Variants in SNORC observed in about 807,000 individuals in gnomAD.
The protein encoded by SNORC is secondary ossification center associated regulator of chondrocyte maturation, also known as protein SNORC.
Under a neutral mutation model 9.7 loss-of-function variants are expected in SNORC, and 11 were observed. The ratio of observed to expected loss-of-function variants is 1.14; its 90% CI spans 0.72 to 1.88. The LOEUF (loss-of-function observed/expected upper bound fraction) is 1.88, where lower values mean the gene tolerates loss of function less well. Among genes scored for constraint, SNORC ranks in the 40% most tolerant of loss-of-function variants. The pLI is 0.00. For synonymous variants in SNORC, 108 were observed against 88.7 expected (o/e 1.22, Z -1.22); for missense variants, 197 against 173.1 (o/e 1.14, Z -0.77).
Position 232,876,263 on chromosome 2 carries a change from C to A in SNORC, c.273C>A (p.Gly91=). 1 of 1,516,608 alleles carries A rather than the reference C, an allele frequency of 6.6e-7. No homozygotes were observed. The allele number at this position is 1,516,608 out of a possible 1,614,324, so 93.9% of individuals were successfully genotyped here. ...CCTCCGCAGGGTCGCTGGGGCCCGG[C>A]GCTATCGCGGCCATCGTGATCGCCG... is the stretch of plus-strand genomic sequence containing the variant. The change falls in exon 3 of 3, where the codon GGC becomes GGA. Residue 91 remains glycine, a synonymous_variant. Coordinates refer to ENST00000331342, the Ensembl canonical transcript of SNORC. The surrounding 1 kb of genome is among the most constrained non-coding windows in gnomAD (Gnocchi z 6.8).
upstream of SNORC, chr2:232,870,214 C>T (rs1690969617): frequency 1.2e-6 from 1 of 835,450 alleles, no homozygotes. Flanking sequence ...CACGATGTCC[C>T]AGGAGGACAG....
At chr2:232,870,885 A>G (rs1459801327) in intron 1 of SNORC, among the ~76,000 whole-genome samples, 4 of 152,150 alleles carry the variant, frequency 2.6e-5, no homozygotes, top group African/African-American at 9.7e-5. Context: ...CATCTGGGAA[A>G]AGGCTCCAGA....
chr2:232,874,103 G>T (rs79628098), intron 1 of SNORC, among the ~76,000 whole-genome samples: 2 of 152,220 alleles, frequency 1.3e-5, no homozygotes, highest in Non-Finnish European at 2.9e-5. Flanking sequence ...CAGAAGCCAG[G>T]GACCTGCTAA....
chr2:232,869,088 G>A (rs1039962414), upstream of SNORC: 1 of 152,212 alleles, frequency 6.6e-6, no homozygotes, highest in African/African-American at 2.4e-5. Context: ...TGGAGGCAAG[G>A]AGAAGTTGTT....
At chr2:232,873,607 T>C (rs11685172) in intron 1 of SNORC, among the ~76,000 whole-genome samples, 2,639 of 152,290 alleles carry the variant, frequency 0.017, 37 homozygotes, top group Non-Finnish European at 0.029. Context: ...CCAGTCTGTC[T>C]TGGGTGTGTC....
At chr2:232,874,640 C>T (rs140868500) in intron 1 of SNORC, among the ~76,000 whole-genome samples, 2 of 152,250 alleles carry the variant, frequency 1.3e-5, no homozygotes, top group Admixed American at 6.5e-5. Context: ...TGTGTCTTCT[C>T]GAGCATCCGC....
Position 232,876,090 on chromosome 2 carries a change from G to A in SNORC, c.224G>A (p.Ser75Asn). 1 of 1,397,148 alleles carries A rather than the reference G, an allele frequency of 7.2e-7. No homozygotes were observed. Among genetic ancestry groups the A allele is most frequent in the Non-Finnish European group, 9.4e-7 (1 of 1,061,414 alleles). The allele number at this position is 1,397,148 out of a possible 1,614,324, so 86.5% of individuals were successfully genotyped here. A position where few individuals can be genotyped will look rare whatever the true frequency, so the allele number is the denominator to read the frequency against. The change falls in exon 2 of 3, where the codon AGC (serine) becomes AAC (asparagine). Residue 75 changes from serine (S) to asparagine (N), a missense_variant. Coordinates refer to ENST00000331342, the Ensembl canonical transcript of SNORC. This position sits in a 1 kb window ranked among gnomAD's most constrained non-coding sequence, Gnocchi z 6.8. ...ACCGTCGCGCCAGGACCCGAGGACA[G>A]CACCGCGCAGGAGCGGCTGGACCAG...
chr2:232,875,758 C>T, intron 1 of SNORC, 182 bp from the exon 2 acceptor site: 1 of 658,336 alleles, frequency 1.5e-6, no homozygotes, highest in Non-Finnish European at 2.5e-6. Context: ...CGGCCCTGCC[C>T]AATGGGAGGC....
intron 1 of SNORC, among the ~76,000 whole-genome samples, chr2:232,871,296 G>A (rs1691016513): frequency 6.6e-6 from 1 of 152,180 alleles, no homozygotes; most frequent in African/African-American, 2.4e-5. Flanking sequence ...CCACACCCTG[G>A]GAGGTCTGGG....
upstream of SNORC, chr2:232,870,194 G>A: frequency 1.4e-6 from 1 of 690,068 alleles, no homozygotes; most frequent in South Asian, 1.7e-5. Context: ...GGGGGGTGGG[G>A]AGGTGCGGGC....
upstream of SNORC, among the ~76,000 whole-genome samples, chr2:232,867,315 A>G (rs555114351): frequency 6.6e-6 from 1 of 152,338 alleles, no homozygotes; most frequent in South Asian, 2.1e-4. Flanking sequence ...CAGAATTGCT[A>G]ACCCATACCA....
upstream of SNORC, chr2:232,869,242 GGA>G (rs1177349262): frequency 6.6e-6 from 1 of 152,276 alleles, no homozygotes; most frequent in African/African-American, 2.4e-5. Flanking sequence ...CCTTCTGGGA[GGA>G]GAGGGGAACA....
intron 1 of SNORC, 111 bp downstream of exon 1, chr2:232,870,525 TGGG>T: frequency 9.5e-7 from 1 of 1,052,158 alleles, no homozygotes; most frequent in Non-Finnish European, 1.4e-6. Flanking sequence ...TCACAGGAGA[TGGG>T]ATGACTATTT....
At chr2:232,875,748 C>T (rs1000254568) in intron 1 of SNORC, 192 bp from the exon 2 acceptor site, 2 of 616,280 alleles carry the variant, frequency 3.2e-6, no homozygotes, top group East Asian at 3.1e-5. Flanking sequence ...GCCCACCCAC[C>T]GGCCCTGCCC....
exon 1 of SNORC, chr2:232,870,337 C>T: frequency 6.4e-7 from 1 of 1,556,708 alleles, no homozygotes; most frequent in Non-Finnish European, 8.7e-7. Context: ...TCACTCCCGG[C>T]CAGGATGGCA....
chr2:232,875,110 C>G (rs899633692), intron 1 of SNORC, among the ~76,000 whole-genome samples: 1 of 152,136 alleles, frequency 6.6e-6, no homozygotes, highest in African/African-American at 2.4e-5. Context: ...GAGGCCGACA[C>G]GGGTGTATCA....
intron 1 of SNORC, among the ~76,000 whole-genome samples, chr2:232,873,232 G>A (rs1691097380): frequency 6.6e-6 from 1 of 152,232 alleles, no homozygotes; most frequent in African/African-American, 2.4e-5. Flanking sequence ...GGGGCATGGA[G>A]CAAGGATAGG....
In SNORC at chr2:232,870,431, C is replaced by T; in HGVS notation, c.73+17C>T. On this transcript the variant is annotated intron_variant, in intron 1 of 2. Coordinates refer to ENST00000331342, the Ensembl canonical transcript of SNORC. ...TGCTCACAGGTAAGAGGTGAAGGCC[C>T]TTGTCTCAGCCACCACTAGCCTCCC... is the stretch of plus-strand genomic sequence containing the variant. The T allele has an allele frequency of 6.4e-7, 1 of 1,560,112 alleles. No individual in the cohort carries two copies. The highest frequency in any genetic ancestry group is 1.2e-5 in the South Asian group (1 of 84,672).
chr2:232,877,899 C>T (rs989707919), downstream of SNORC: 6 of 152,306 alleles, frequency 3.9e-5, no homozygotes, highest in African/African-American at 1.2e-4. Flanking sequence ...CATGCTGTTT[C>T]CCATCCTCAA....
Sources: gnomAD v4.1 joint callset for allele counts (sites outside exome capture counted in the v4.1 genomes callset) on GRCh38, gnomAD v4.1.1 for gene constraint, Gnocchi (gnomAD v3.1) non-coding constraint, MANE v1.5 for transcripts, NCBI Gene and HGNC (gene_info 2026-07-23, HGNC 2026-07-21) for gene names.